The following ZNF471 variants were observed in gnomAD, a reference collection of about 807,000 sequenced individuals.
The protein encoded by ZNF471 is EZFIT-related protein 1.
ZNF471 carries 7 observed loss-of-function variants against 13.7 expected under a neutral mutation model. That is an observed-to-expected ratio of 0.51 (90% CI 0.29 to 0.96). The LOEUF (loss-of-function observed/expected upper bound fraction) is 0.96, where lower values mean the gene tolerates loss of function less well. Among genes scored for constraint, ZNF471 ranks in the 40% least tolerant of loss-of-function variants. ZNF471 has a pLI of 0.08. For missense variants in ZNF471, 663 were observed against 743.3 expected, an observed-to-expected ratio of 0.89 and a Z score of 1.26; for synonymous variants, 218 against 235.6, an observed-to-expected ratio of 0.93 and a Z score of 0.68.
rs967528622 is a variant in ZNF471 at position 56,516,244 on chromosome 19, T to G, written c.34-31T>G. ...CAGAGTTATCTTTGGACACGAGCAT[T>G]GGTTGGTTAAGAATATATTTGTCAC... On this transcript the variant is annotated intron_variant, in intron 2 of 4. Transcript: ENST00000308031. The surrounding 1 kb of genome is among the most constrained non-coding windows in gnomAD (Gnocchi z 4.4). 3 of 1,608,366 alleles carry G rather than the reference T, an allele frequency of 1.9e-6. No individual in the cohort carries two copies. Among genetic ancestry groups the G allele is most frequent in the Non-Finnish European group, 2.5e-6 (3 of 1,176,522 alleles).
At chr19:56,507,983 G>C (rs1406109758) in intron 1 of ZNF471, 63 bp downstream of exon 1, 2 of 985,868 alleles carry the variant, frequency 2.0e-6, no homozygotes, top group African/African-American at 3.5e-5. Flanking sequence ...CAGGCGAGGC[G>C]GGCGGCTCCG....
intron 4 of ZNF471, among the ~76,000 whole-genome samples, chr19:56,520,584 C>G (rs948660604): frequency 1.3e-5 from 2 of 152,164 alleles, no homozygotes; most frequent in African/African-American, 4.8e-5. Context: ...ATCATCTTCT[C>G]TAGAGTGCTG....
chr19:56,510,037 T>C lies in ZNF471; in HGVS notation c.-55-1480T>C. On this transcript the variant is annotated intron_variant, in intron 1 of 4. Transcript: ENST00000308031. The surrounding 1 kb of genome is among the most constrained non-coding windows in gnomAD (Gnocchi z 4.3). ...TCAGTGATTGGGAGAGACTGGGGTA[T>C]GTTGGTGTGAGTGTGTGAGAGACCA... 3 of 985,624 alleles carry C rather than the reference T, an allele frequency of 3.0e-6. No homozygotes were observed. Among genetic ancestry groups the C allele is most frequent in the Non-Finnish European group, 3.6e-6 (3 of 830,078 alleles). 61.1% of individuals were successfully genotyped at this position (985,624 alleles called of 1,614,324 possible).
rs115698617 is a variant in ZNF471 at position 56,511,781 on chromosome 19, T to G, written c.33+177T>G. Among the ~76,000 whole-genome samples, 820 of 152,248 alleles carry G rather than the reference T, an allele frequency of 5.4e-3. 10 individuals are homozygous for G. Among genetic ancestry groups the G allele is most frequent in the African/African-American group, 0.018 (732 of 41,578 alleles). The stretch of plus-strand genomic sequence containing the variant: ...CTAATGAGTGAGTAATAGCTTAGTA[T>G]AAAAAGTCATGGAGGTCCCTCTGAG... On this transcript the variant is annotated intron_variant, in intron 2 of 4. Transcript: ENST00000308031.
chr19:56,526,215 G>C lies in ZNF471; in HGVS notation c.*267G>C, dbSNP rs1004382960. 13 of 353,730 alleles carry C rather than the reference G, an allele frequency of 3.7e-5. No homozygotes were observed. Among genetic ancestry groups the C allele is most frequent in the Admixed American group, 8.6e-5 (2 of 23,228 alleles). 21.9% of individuals were successfully genotyped at this position (353,730 alleles called of 1,614,324 possible). On this transcript the variant is annotated 3_prime_UTR_variant, in exon 5 of 5. Transcript: ENST00000308031. Reference sequence around the variant, plus strand: ...AGACAGTGGGTGCAGCCCACGGAGGGTGAGCTGAAGCAGGGTGGGGCGTAA... The same window carrying C: ...AGACAGTGGGTGCAGCCCACGGAGGCTGAGCTGAAGCAGGGTGGGGCGTAA...
chr19:56,519,988 T>C (rs1038372275), intron 4 of ZNF471, among the ~76,000 whole-genome samples: 1 of 152,196 alleles, frequency 6.6e-6, no homozygotes, highest in African/African-American at 2.4e-5. Flanking sequence ...GTAGTGAATA[T>C]AGGGTTCAGT....
At chr19:56,517,568 GTGC>G in intron 3 of ZNF471, among the ~76,000 whole-genome samples, 1 of 152,172 alleles carries the variant, frequency 6.6e-6, no homozygotes, top group South Asian at 2.1e-4. Context: ...GCCTCCCAAA[GTGC>G]TGGGATTACA....
rs1337731897 is a variant in ZNF471, at chr19:56,509,964, A to G, written c.-55-1553A>G. The G allele has an allele frequency of 3.0e-6, 3 of 985,430 alleles. No individual in the cohort carries two copies. The East Asian group carries it at 3.4e-4, about 112-fold the overall frequency. 61.0% of individuals were successfully genotyped at this position (985,430 alleles called of 1,614,324 possible). On this transcript the variant is annotated intron_variant, in intron 1 of 4. Transcript: ENST00000308031. ...AGTATGAGGCTCCCTGGAGTCTGAG[A>G]AAGATCATGTGTGTGTCTGAGTAAA...
chr19:56,524,672 G>C lies in ZNF471; in HGVS notation c.605G>C (p.Gly202Ala). 1 of 1,579,798 alleles carries C rather than the reference G, an allele frequency of 6.3e-7. No homozygotes were observed. Among genetic ancestry groups the C allele is most frequent in the African/African-American group, 1.4e-5 (1 of 72,674 alleles). The change falls in exon 5 of 5, where the codon GGA (glycine) becomes GCA (alanine). Residue 202 changes from glycine (G) to alanine (A), a missense_variant. By Grantham distance (60) the Gly-to-Ala change is moderately conservative. Transcript: ENST00000308031. This position sits in a 1 kb window ranked among gnomAD's most constrained non-coding sequence, Gnocchi z 4.8. ...ATAAAACACAAGAAAGTCTATGTAG[G>C]AAAGAAGCTTTTTAAATGTAATGAA... ...MVIKHKKVYV[G>A]KKLFKCNECD...
chr19:56,509,257 A>T (rs2043777154), intron 1 of ZNF471, among the ~76,000 whole-genome samples: 2 of 152,224 alleles, frequency 1.3e-5, no homozygotes, highest in South Asian at 4.1e-4. Flanking sequence ...AGTCATGCCT[A>T]CATTATGAAG....
At chr19:56,520,355 T>C (rs1395943961) in intron 4 of ZNF471, among the ~76,000 whole-genome samples, 2 of 152,182 alleles carry the variant, frequency 1.3e-5, no homozygotes, top group African/African-American at 4.8e-5. Flanking sequence ...TGTAGGAAAT[T>C]GGAGTTGAAG....
Position 56,526,087 on chromosome 19 carries a change from T to C in ZNF471, c.*139T>C, listed in dbSNP as rs779434172. 64 of 821,872 alleles carry C rather than the reference T, an allele frequency of 7.8e-5. No individual in the cohort carries two copies. Among genetic ancestry groups the C allele is most frequent in the Middle Eastern group, 3.4e-4 (1 of 2,980 alleles). 50.9% of individuals were successfully genotyped at this position (821,872 alleles called of 1,614,324 possible). On this transcript the variant is annotated 3_prime_UTR_variant, in exon 5 of 5. Transcript: ENST00000308031. The stretch of plus-strand genomic sequence containing the variant: ...CCAGGAGGCTGGCAAGATGGCCGAA[T>C]AGGAACAGCTCTGATCTGCAGTTCC...
At chr19:56,515,966 G>A (rs1355692374) in intron 2 of ZNF471, among the ~76,000 whole-genome samples, 1 of 152,158 alleles carries the variant, frequency 6.6e-6, no homozygotes, top group Non-Finnish European at 1.5e-5. Flanking sequence ...AGTATCATTT[G>A]AAAAATATCA....
Position 56,522,856 on chromosome 19 carries a change from C to T in ZNF471, c.257-1468C>T, listed in dbSNP as rs8110762. 0.32 allele frequency among the ~76,000 whole-genome samples: 49,094 copies of T among 151,668 alleles called. 8,618 individuals carry two copies. The highest frequency in any genetic ancestry group is 0.51 in the East Asian group (2,593 of 5,114). On this transcript the variant is annotated intron_variant, in intron 4 of 4. Transcript: ENST00000308031. This position sits in a 1 kb window ranked among gnomAD's most constrained non-coding sequence, Gnocchi z 4.1. ...GGTTCAAGCAATTTTCCTGCTTTAGCCTCCCAGGTAGCTGGGATTACAGGC... is the reference window on the plus strand; with the variant it reads ...GGTTCAAGCAATTTTCCTGCTTTAGTCTCCCAGGTAGCTGGGATTACAGGC...
At chr19:56,521,979 T>G (rs1480682166) in intron 4 of ZNF471, among the ~76,000 whole-genome samples, 1 of 152,170 alleles carries the variant, frequency 6.6e-6, no homozygotes, top group Non-Finnish European at 1.5e-5. Flanking sequence ...ATAGCATATT[T>G]TACTGTACCT....
chr19:56,521,638 CAAAAA>C (rs372849279), intron 4 of ZNF471, among the ~76,000 whole-genome samples: 2 of 82,100 alleles, frequency 2.4e-5, no homozygotes, highest in East Asian at 7.1e-4. Flanking sequence ...GACTCTGTCT[CAAAAA>C]AAAAAAAAAA....
chr19:56,511,229 A>T (rs1006393658), intron 1 of ZNF471, among the ~76,000 whole-genome samples: 3 of 151,958 alleles, frequency 2.0e-5, no homozygotes, highest in African/African-American at 7.2e-5. Flanking sequence ...AATGGAGGAA[A>T]TGACTATTTT....
In ZNF471 at chr19:56,524,620, A is replaced by G; in HGVS notation, c.553A>G (p.Lys185Glu). 6.3e-7 allele frequency: 1 copy of G among 1,587,210 alleles called. No homozygotes were observed. Among genetic ancestry groups the G allele is most frequent in the Non-Finnish European group, 8.5e-7 (1 of 1,173,304 alleles). ...ESIYNHTSDK[K>E]SFSKNSMVIK... is the part of the protein sequence containing the mutation. ...TATTTATAATCACACATCAGATAAA[A>G]AAAGCTTCTCCAAAAATTCTATGGT... The change falls in exon 5 of 5, where the codon AAA becomes GAA. Residue 185 changes from lysine to glutamate, a missense_variant. Lys to Glu is a moderately conservative substitution (Grantham distance 56). Transcript: ENST00000308031. This position sits in a 1 kb window ranked among gnomAD's most constrained non-coding sequence, Gnocchi z 4.8.
intron 2 of ZNF471, among the ~76,000 whole-genome samples, chr19:56,514,520 C>T (rs538944272): frequency 6.6e-6 from 1 of 152,256 alleles, no homozygotes; most frequent in Non-Finnish European, 1.5e-5. Flanking sequence ...ACCTTGTCAG[C>T]TTTGAGGAAT....
Sources: gnomAD v4.1 joint callset for allele counts (sites outside exome capture counted in the v4.1 genomes callset) on GRCh38, gnomAD v4.1.1 for gene constraint, Gnocchi (gnomAD v3.1) non-coding constraint, MANE v1.5 for transcripts, NCBI Gene and HGNC (gene_info 2026-07-23, HGNC 2026-07-21) for gene names.